Variants in IL1RAPL2 observed in about 807,000 individuals in gnomAD.
IL1RAPL2 encodes X-linked interleukin-1 receptor accessory protein-like 2.
IL1RAPL2 carries 3 observed loss-of-function variants against 44.1 expected under a neutral mutation model. That is an observed-to-expected ratio of 0.07 (90% confidence interval 0.03 to 0.18). IL1RAPL2 has a LOEUF of 0.18. IL1RAPL2 is among the 10% of genes least tolerant of loss of function. The pLI, the probability that IL1RAPL2 is intolerant of heterozygous loss-of-function variation, is 1.00. For missense variants in IL1RAPL2, 391 were observed against 496.4 expected, an observed-to-expected ratio of 0.79 and a Z score of 2.02; for synonymous variants, 181 against 178.8, an observed-to-expected ratio of 1.01 and a Z score of -0.10.
At chrX:105,748,780 A>G (rs1189963066) in intron 8 of IL1RAPL2, among the ~76,000 whole-genome samples, 180 bp from the exon 9 acceptor site, 2 of 112,488 alleles carry the variant, frequency 1.8e-5, no homozygotes, top group Non-Finnish European at 3.8e-5. Context: ...CAAATTTTAA[A>G]TAGTTTATTT....
intron 5 of IL1RAPL2, among the ~76,000 whole-genome samples, chrX:105,438,476 A>T (rs750284199): frequency 9.0e-6 from 1 of 111,433 alleles, no homozygotes; most frequent in Non-Finnish European, 1.9e-5. Flanking sequence ...TTGGGGTTAC[A>T]TTAGAAGATG....
At chrX:104,996,369 T>C (rs2030747976) in intron 2 of IL1RAPL2, among the ~76,000 whole-genome samples, 1 of 112,014 alleles carries the variant, frequency 8.9e-6, no homozygotes, top group Non-Finnish European at 1.9e-5. Context: ...AATGAGAACA[T>C]GCAGGGTACC....
chrX:105,180,112 A>G (rs2033515088), intron 2 of IL1RAPL2, among the ~76,000 whole-genome samples: 1 of 110,469 alleles, frequency 9.1e-6, no homozygotes, highest in Non-Finnish European at 1.9e-5. Context: ...TGAGACTGGC[A>G]GGTCACCTGA....
chrX:105,412,829 AAAAAT>A (rs1208820493), intron 5 of IL1RAPL2, among the ~76,000 whole-genome samples: 1 of 112,277 alleles, frequency 8.9e-6, no homozygotes, highest in Non-Finnish European at 1.9e-5. Flanking sequence ...TATGTCAATA[AAAAAT>A]AAAAATTATT....
intron 5 of IL1RAPL2, among the ~76,000 whole-genome samples, chrX:105,324,831 G>A (rs2034923827): frequency 8.9e-6 from 1 of 111,966 alleles, no homozygotes; most frequent in Non-Finnish European, 1.9e-5. Context: ...GAAGGTGACA[G>A]AAATAAAATC....
chrX:105,096,365 T>C (rs1193431114), intron 2 of IL1RAPL2, among the ~76,000 whole-genome samples: 2 of 111,866 alleles, frequency 1.8e-5, no homozygotes, highest in East Asian at 2.8e-4. Flanking sequence ...AATGAAAACA[T>C]ATATTTATAC....
At chrX:104,855,429 A>G in intron 2 of IL1RAPL2, among the ~76,000 whole-genome samples, 1 of 111,410 alleles carries the variant, frequency 9.0e-6, no homozygotes, top group African/African-American at 3.3e-5. Context: ...GCCAAGGCCA[A>G]TATACAGTGG....
At chrX:104,616,611 T>C (rs756156107) in intron 1 of IL1RAPL2, among the ~76,000 whole-genome samples, 5 of 112,158 alleles carry the variant, frequency 4.5e-5, no homozygotes, top group Non-Finnish European at 9.4e-5. Context: ...CTGCACTTGA[T>C]GGATCAGCTG....
At chrX:104,760,731 G>T (rs939696228) in intron 2 of IL1RAPL2, among the ~76,000 whole-genome samples, 4 of 111,078 alleles carry the variant, frequency 3.6e-5, no homozygotes, top group African/African-American at 9.8e-5. Flanking sequence ...TCATGATGCG[G>T]GTCGTATCTT....
intron 4 of IL1RAPL2, among the ~76,000 whole-genome samples, chrX:105,237,431 C>G (rs147853109): frequency 0.024 from 2,719 of 111,965 alleles, 79 homozygotes; most frequent in African/African-American, 0.083. Flanking sequence ...CTGTCTTCCA[C>G]AATGATTGAA....
intron 5 of IL1RAPL2, among the ~76,000 whole-genome samples, chrX:105,433,375 G>T (rs900649501): frequency 9.0e-6 from 1 of 111,186 alleles, no homozygotes; most frequent in Non-Finnish European, 1.9e-5. Context: ...AAATGGTTCT[G>T]TTAGTTGCGG....
chrX:104,750,416 T>C (rs1602709869), intron 2 of IL1RAPL2, among the ~76,000 whole-genome samples: 1 of 110,810 alleles, frequency 9.0e-6, no homozygotes, highest in East Asian at 2.9e-4. Context: ...CCACCACATT[T>C]TGGATGAGTT....
intron 7 of IL1RAPL2, 110 bp from the exon 8 acceptor site, chrX:105,740,436 A>C (rs1388143882): frequency 9.4e-6 from 7 of 743,101 alleles, no homozygotes; most frequent in Non-Finnish European, 1.4e-5. Context: ...AGGATTCTCC[A>C]CGCCCATCAT....
At chrX:104,768,580 C>T (rs1932592767) in intron 2 of IL1RAPL2, among the ~76,000 whole-genome samples, 1 of 111,025 alleles carries the variant, frequency 9.0e-6, no homozygotes, top group South Asian at 3.8e-4. Context: ...TTTGGAATTC[C>T]GTTGAGGTGT....
In IL1RAPL2 at chrX:105,183,331, G is replaced by T. The variant is rs138329531; in HGVS notation, c.83-12144G>T. On this transcript the variant is annotated intron_variant, in intron 2 of 10. Coordinates refer to ENST00000372582, the MANE Select transcript of IL1RAPL2 (RefSeq NM_017416.2). ...TTGGAGAATATTTGTTGTGGCCTCTGGTGGCAGCAGCAGCAGCAGTTGTAT... is the reference window on the plus strand; with the variant it reads ...TTGGAGAATATTTGTTGTGGCCTCTTGTGGCAGCAGCAGCAGCAGTTGTAT... Among the ~76,000 whole-genome samples, 532 of 111,656 alleles carry T rather than the reference G, an allele frequency of 4.8e-3. 6 individuals carry two copies. Among genetic ancestry groups the T allele is most frequent in the African/African-American group, 0.016 (487 of 30,653 alleles).
rs189395086 is a variant in IL1RAPL2, at chrX:104,943,869, T to C, written c.83-251606T>C. ...CTGACTAGTTTGTTCTCTTTATGTA[T>C]TCACTGTGCCGGAAATTAAGACCAG... On this transcript the variant is annotated intron_variant, in intron 2 of 10. Coordinates refer to ENST00000372582, the MANE Select transcript of IL1RAPL2 (RefSeq NM_017416.2). Among the ~76,000 whole-genome samples the C allele has an allele frequency of 3.4e-3, 377 of 112,345 alleles. 2 individuals are homozygous for C. Among genetic ancestry groups the C allele is most frequent in the Non-Finnish European group, 5.5e-3 (292 of 53,209 alleles).
At chrX:104,609,356 C>G (rs912096557) in intron 1 of IL1RAPL2, among the ~76,000 whole-genome samples, 9 of 111,233 alleles carry the variant, frequency 8.1e-5, no homozygotes, top group African/African-American at 2.9e-4. Flanking sequence ...TTGAGGAGAA[C>G]GTTTGTGGTG....
intron 6 of IL1RAPL2, among the ~76,000 whole-genome samples, chrX:105,656,155 C>T (rs1274427376): frequency 9.0e-6 from 1 of 111,700 alleles, no homozygotes; most frequent in Non-Finnish European, 1.9e-5. Flanking sequence ...CTTCCATTCT[C>T]TATGTCCATG....
chrX:104,826,817 A>G (rs746812867), intron 2 of IL1RAPL2, among the ~76,000 whole-genome samples: 2 of 110,196 alleles, frequency 1.8e-5, no homozygotes, highest in African/African-American at 3.3e-5. Flanking sequence ...ATATATATTT[A>G]GGATGGTTAG....
Sources: allele counts gnomAD v4.1 joint callset (sites outside exome capture counted in the v4.1 genomes callset), GRCh38; gene constraint gnomAD v4.1.1; transcripts MANE v1.5; gene names NCBI Gene and HGNC (gene_info 2026-07-23, HGNC 2026-07-21).